The following IDI2 variants were observed in gnomAD, a reference collection of about 807,000 sequenced individuals.
IDI2 encodes the protein isopentenyl-diphosphate delta isomerase 2.
In IDI2, 18 loss-of-function variants were observed where a neutral mutation model predicts 14.8. The observed-to-expected ratio is 1.22, with a 90% CI of 0.84 to 1.80. The LOEUF is 1.80. Among genes scored for constraint, IDI2 ranks in the 40% most tolerant of loss-of-function variants. The pLI is 0.00. For synonymous variants in IDI2, 133 were observed against 109.6 expected, an observed-to-expected ratio of 1.21 and a Z score of -1.33; for missense variants, 316 against 283.2, an observed-to-expected ratio of 1.12 and a Z score of -0.83.
chr10:1,024,628 ACCAATAACCTT>A lies in IDI2; in HGVS notation c.85_95del (p.Lys29CysfsTer14). On this transcript the variant is annotated frameshift_variant, in exon 2 of 5. Transcript: ENST00000277517. LOFTEE classifies it high-confidence loss of function. ...GATGGCAATTCCTCTTGGTGTCGGC[ACCAATAACCTT>A]ATCATTCTCATCCACAACAATCAGC... The A allele has an allele frequency of 6.2e-7, 1 of 1,614,126 alleles. No homozygotes were observed. The highest frequency in any genetic ancestry group is 2.2e-5 in the East Asian group (1 of 44,874).
At chr10:1,023,054 A>T (rs1832140541) in intron 2 of IDI2, among the ~76,000 whole-genome samples, 2 of 152,238 alleles carry the variant, frequency 1.3e-5, no homozygotes, top group Non-Finnish European at 2.9e-5. Context: ...GAGATATCGC[A>T]GCATTCCTGG....
intron 2 of IDI2, among the ~76,000 whole-genome samples, chr10:1,023,048 TATC>T (rs1832140405): frequency 1.3e-5 from 2 of 152,148 alleles, no homozygotes; most frequent in Non-Finnish European, 2.9e-5. Context: ...ATCAGAGAGA[TATC>T]GCAGCATTCC....
chr10:1,019,569 T>C lies in IDI2; in HGVS notation c.632A>G (p.His211Arg), dbSNP rs759178966. 5.0e-6 allele frequency: 8 copies of C among 1,613,956 alleles called. No individual in the cohort carries two copies. The highest frequency in any genetic ancestry group is 4.2e-6 in the Non-Finnish European group (5 of 1,179,970). ...AERFLYRWWP[H>R]LDDVTPFVEL... is the part of the protein sequence containing the mutation. ...CACAAACGGGGTCACGTCATCCAGGTGAGGCCACCACCGGTACAGAAACCT... is the reference window on the plus strand; with the variant it reads ...CACAAACGGGGTCACGTCATCCAGGCGAGGCCACCACCGGTACAGAAACCT... The change falls in exon 5 of 5, where the codon CAC becomes CGC. Residue 211 changes from histidine (H) to arginine (R), a missense_variant. Coordinates refer to ENST00000277517, the MANE Select transcript of IDI2 (RefSeq NM_033261.3).
Position 1,023,145 on chromosome 10 carries a change from T to A in IDI2, c.143-370A>T, listed in dbSNP as rs149108780. 8.2e-3 allele frequency among the ~76,000 whole-genome samples: 1,248 copies of A among 152,036 alleles called. 22 individuals carry two copies. Among genetic ancestry groups the A allele is most frequent in the African/African-American group, 0.028 (1,167 of 41,468 alleles). On this transcript the variant is annotated intron_variant, in intron 2 of 4. Transcript: ENST00000277517. ...GTTTGAAGGGTTGAAAACATGAGGG[T>A]TAGATACACAGTGGCATACCATTCC... is the stretch of plus-strand genomic sequence containing the variant.
intron 2 of IDI2, among the ~76,000 whole-genome samples, chr10:1,024,201 C>T (rs1246140978): frequency 6.6e-6 from 1 of 152,188 alleles, no homozygotes; most frequent in East Asian, 1.9e-4. Context: ...GTTCTGGCTA[C>T]ACCGACCTAA....
chr10:1,022,766 TGCA>T lies in IDI2; in HGVS notation c.149_151del (p.Leu50del), dbSNP rs750267479. 3.1e-6 allele frequency: 5 copies of T among 1,613,812 alleles called. No homozygotes were observed. The South Asian group carries it at 4.4e-5, about 14-fold the overall frequency. ...AAACAAGACAACGCTGAAGGCTCGGTGCAGCAGCCCTGCAAAGGTAAGTGCCAT... is the reference window on the plus strand; with the variant it reads ...AAACAAGACAACGCTGAAGGCTCGGTGCAGCCCTGCAAAGGTAAGTGCCAT... On this transcript the variant is annotated inframe_deletion, in exon 3 of 5. Coordinates refer to ENST00000277517, the MANE Select transcript of IDI2 (RefSeq NM_033261.3).
Position 1,020,817 on chromosome 10 carries a change from T to C in IDI2, c.316A>G (p.Arg106Gly). 2 of 1,614,044 alleles carry C rather than the reference T, an allele frequency of 1.2e-6. No homozygotes were observed. The highest frequency in any genetic ancestry group is 3.3e-4 in the Middle Eastern group (2 of 6,036). The change falls in exon 4 of 5, where the codon AGG becomes GGG. Residue 106 changes from arginine to glycine, a missense_variant. Transcript: ENST00000277517. ...LEEKDAIGVR[R>G]AAQRRLQAEL... is the part of the protein sequence containing the mutation. ...GCTTGCAGACGCCTCTGGGCTGCCC[T>C]CCTCACTCCGATGGCATCCTTTTCT...
intron 2 of IDI2, among the ~76,000 whole-genome samples, chr10:1,023,065 G>A (rs540935442): frequency 8.8e-4 from 134 of 152,280 alleles, no homozygotes; most frequent in African/African-American, 2.9e-3. Flanking sequence ...GCATTCCTGG[G>A]TGCTGAGCAC....
intron 1 of IDI2, among the ~76,000 whole-genome samples, chr10:1,025,611 A>G (rs1243881178): frequency 6.6e-6 from 1 of 151,634 alleles, no homozygotes; most frequent in Non-Finnish European, 1.5e-5. Flanking sequence ...ATCCTTTTCT[A>G]CTTTTTAAAA....
In IDI2 at chr10:1,019,059, A is replaced by T. The variant is rs568529702; in HGVS notation, c.*458T>A. The T allele has an allele frequency of 1.0e-3, 158 of 156,964 alleles. No homozygotes were observed. The highest frequency in any genetic ancestry group is 1.7e-3 in the Non-Finnish European group (120 of 71,102). The allele number at this position is 156,964 out of a possible 1,614,324, so 9.7% of individuals were successfully genotyped here. A position where few individuals can be genotyped will look rare whatever the true frequency, so the allele number is the denominator to read the frequency against. On this transcript the variant is annotated 3_prime_UTR_variant, in exon 5 of 5. Coordinates refer to ENST00000277517, the MANE Select transcript of IDI2 (RefSeq NM_033261.3). Reference sequence around the variant, plus strand: ...GCAAGATTGAATGTGTCTTTTTTTTAAAAATGCAGCCTTGTGTTGCACTCT... The same window carrying T: ...GCAAGATTGAATGTGTCTTTTTTTTTAAAATGCAGCCTTGTGTTGCACTCT...
chr10:1,023,211 C>T (rs188579771), intron 2 of IDI2, among the ~76,000 whole-genome samples: 2 of 152,274 alleles, frequency 1.3e-5, no homozygotes. Flanking sequence ...TGCGGTGGCT[C>T]ACGCCTGTAA....
intron 4 of IDI2, 69 bp downstream of exon 4, chr10:1,020,698 T>G: frequency 5.4e-6 from 7 of 1,294,988 alleles, no homozygotes; most frequent in East Asian, 5.6e-5. Context: ...AGCCTGGACT[T>G]TGTTCACCGT....
intron 2 of IDI2, among the ~76,000 whole-genome samples, chr10:1,024,162 T>TA: frequency 6.6e-6 from 1 of 152,248 alleles, no homozygotes; most frequent in East Asian, 1.9e-4. Flanking sequence ...GATTAAAAGT[T>TA]ACTAAGAGAA....
chr10:1,022,467 C>G (rs777107137), intron 3 of IDI2, among the ~76,000 whole-genome samples: 1 of 152,126 alleles, frequency 6.6e-6, no homozygotes, highest in Non-Finnish European at 1.5e-5. Context: ...AACCCAGAAA[C>G]TCATATAGTT....
At chr10:1,021,656 A>G (rs770646743) in intron 3 of IDI2, among the ~76,000 whole-genome samples, 2 of 152,180 alleles carry the variant, frequency 1.3e-5, no homozygotes, top group Non-Finnish European at 2.9e-5. Flanking sequence ...ACTGTTGACT[A>G]TGTACTACAG....
At chr10:1,023,799 A>G (rs1052487154) in intron 2 of IDI2, among the ~76,000 whole-genome samples, 5 of 152,210 alleles carry the variant, frequency 3.3e-5, no homozygotes, top group Admixed American at 1.3e-4. Flanking sequence ...ATATGTTTCA[A>G]TGTGGCTAGA....
intron 4 of IDI2, among the ~76,000 whole-genome samples, chr10:1,020,484 C>T (rs10903350): frequency 0.19 from 29,188 of 152,150 alleles, 2,920 homozygotes; most frequent in East Asian, 0.31. Context: ...CCACCACGCC[C>T]GGCTTGAATT....
chr10:1,021,606 A>C (rs1832102631), intron 3 of IDI2, among the ~76,000 whole-genome samples: 1 of 152,176 alleles, frequency 6.6e-6, no homozygotes, highest in East Asian at 1.9e-4. Flanking sequence ...GGCGGCTAAC[A>C]CATGATAGGA....
chr10:1,020,652 C>T (rs566221100), intron 4 of IDI2, 115 bp downstream of exon 4: 2 of 1,094,068 alleles, frequency 1.8e-6, no homozygotes, highest in Non-Finnish European at 2.6e-6. Flanking sequence ...CATCCTTCAT[C>T]CTCATGGTGC....
Sources: gnomAD v4.1 joint callset for allele counts (sites outside exome capture counted in the v4.1 genomes callset) on GRCh38, gnomAD v4.1.1 for gene constraint, MANE v1.5 for transcripts, NCBI Gene and HGNC (gene_info 2026-07-23, HGNC 2026-07-21) for gene names.